NBEAL1: variants seen among roughly 807,000 people sequenced by gnomAD.
NBEAL1 encodes neurobeachin like 1.
Under a neutral mutation model 351.3 loss-of-function variants are expected in NBEAL1, and 273 were observed. The ratio of observed to expected loss-of-function variants is 0.78; its 90% confidence interval spans 0.70 to 0.86. NBEAL1 has a LOEUF of 0.86. NBEAL1 is among the 40% of genes least tolerant of loss of function. The pLI is 0.00. For synonymous variants in NBEAL1, 1,050 were observed against 1,086.4 expected, an observed-to-expected ratio of 0.97 and a Z score of 0.66; for missense variants, 2,961 against 3,201.3, an observed-to-expected ratio of 0.92 and a Z score of 1.81.
At chr2:203,025,075 C>G (rs1188098126) in intron 2 of NBEAL1, among the ~76,000 whole-genome samples, 1 of 152,080 alleles carries the variant, frequency 6.6e-6, no homozygotes, top group Non-Finnish European at 1.5e-5. Flanking sequence ...GGCCAAGGAC[C>G]TTTATTGGTC....
chr2:203,201,518 GT>G, intron 49 of NBEAL1, 24 bp from the exon 50 acceptor site: 1 of 1,489,288 alleles, frequency 6.7e-7, no homozygotes, highest in Non-Finnish European at 9.0e-7. Flanking sequence ...GTAAGGAAAA[GT>G]CTGATATTTA....
intron 3 of NBEAL1, among the ~76,000 whole-genome samples, chr2:203,044,677 A>T (rs1378143210): frequency 6.6e-6 from 1 of 152,202 alleles, no homozygotes; most frequent in African/African-American, 2.4e-5. Context: ...TAATTTTTCT[A>T]ATAGAAAACA....
At chr2:203,121,207 TG>T (rs1365312437) in intron 18 of NBEAL1, among the ~76,000 whole-genome samples, 1 of 152,178 alleles carries the variant, frequency 6.6e-6, no homozygotes, top group Non-Finnish European at 1.5e-5. Context: ...ATTTTTTTTT[TG>T]TTCTATGGTT....
intron 3 of NBEAL1, 70 bp downstream of exon 3, chr2:203,041,926 A>G (rs1301858517): frequency 1.0e-6 from 1 of 993,840 alleles, no homozygotes; most frequent in African/African-American, 1.6e-5. Context: ...TTCATTGATG[A>G]CATATTACAA....
chr2:203,183,218 G>GT, intron 43 of NBEAL1, 61 bp from the exon 44 acceptor site: 2 of 940,188 alleles, frequency 2.1e-6, no homozygotes, highest in South Asian at 3.4e-5. Flanking sequence ...ATTAGTGTTT[G>GT]TTTTACTTCG....
chr2:203,138,423 T>C, intron 30 of NBEAL1, 108 bp downstream of exon 30: 1 of 1,121,434 alleles, frequency 8.9e-7, no homozygotes, highest in Non-Finnish European at 1.3e-6. Context: ...TCAGATTCAA[T>C]AAACAAGGAT....
chr2:203,188,565 G>A lies in NBEAL1; in HGVS notation c.6799G>A (p.Val2267Ile), dbSNP rs762733158. The A allele has an allele frequency of 1.3e-5, 21 of 1,602,052 alleles. No homozygotes were observed. The highest frequency in any genetic ancestry group is 9.0e-5 in the East Asian group (4 of 44,622). ...RGPAAVEALN[V>I]FYYCSYEGAV... ...ACCAGCTGCAGTAGAGGCACTCAAC[G>A]TTTTCTATTATTGTAGTTATGAAGG... is the stretch of plus-strand genomic sequence containing the variant. The change falls in exon 45 of 56, where the codon GTT (valine) becomes ATT (isoleucine). Residue 2267 changes from valine (V) to isoleucine (I), a missense_variant. By Grantham distance (29) the Val-to-Ile change is conservative. Transcript: ENST00000683969.
chr2:203,115,284 C>G (rs1004120618), intron 17 of NBEAL1, among the ~76,000 whole-genome samples: 1 of 151,854 alleles, frequency 6.6e-6, no homozygotes, highest in African/African-American at 2.4e-5. Flanking sequence ...CCACGCCCAG[C>G]TAATTTTTTA....
At chr2:203,183,593 AAT>A (rs141705498) in intron 44 of NBEAL1, among the ~76,000 whole-genome samples, 14 of 150,546 alleles carry the variant, frequency 9.3e-5, no homozygotes, top group East Asian at 1.9e-4. Context: ...ACCATGAATA[AAT>A]ATATATATAT....
intron 41 of NBEAL1, among the ~76,000 whole-genome samples, chr2:203,173,156 A>G (rs1347532028): frequency 6.6e-6 from 1 of 152,148 alleles, no homozygotes; most frequent in Non-Finnish European, 1.5e-5. Flanking sequence ...TTCTTCCCAG[A>G]TGTTTTAAAC....
intron 3 of NBEAL1, among the ~76,000 whole-genome samples, chr2:203,042,585 CTT>C (rs769416087): frequency 2.2e-5 from 3 of 137,444 alleles, no homozygotes; most frequent in Admixed American, 7.2e-5. Context: ...AATGCTTGTT[CTT>C]TTTTTTTTTT....
chr2:203,163,861 A>G (rs2064046375), intron 36 of NBEAL1, among the ~76,000 whole-genome samples: 2 of 152,142 alleles, frequency 1.3e-5, no homozygotes, highest in Admixed American at 1.3e-4. Flanking sequence ...TTAATCTGCA[A>G]TTCCCTTATG....
intron 28 of NBEAL1, 148 bp from the exon 29 acceptor site, chr2:203,136,451 T>C (rs1250367969): frequency 5.4e-6 from 4 of 738,368 alleles, no homozygotes; most frequent in African/African-American, 3.6e-5. Flanking sequence ...ACTCATCTTA[T>C]GTCTCTAGGG....
intron 35 of NBEAL1, among the ~76,000 whole-genome samples, chr2:203,155,909 T>A (rs908365207): frequency 6.6e-6 from 1 of 152,186 alleles, no homozygotes; most frequent in Non-Finnish European, 1.5e-5. Flanking sequence ...TCCTGAGTGA[T>A]CTCATGGCTA....
intron 18 of NBEAL1, among the ~76,000 whole-genome samples, 199 bp downstream of exon 18, chr2:203,116,269 T>C (rs545153848): frequency 1.3e-5 from 2 of 152,294 alleles, no homozygotes; most frequent in African/African-American, 4.8e-5. Flanking sequence ...CCAAATATTA[T>C]CATTATGTCA....
chr2:203,135,861 A>G lies in NBEAL1; in HGVS notation c.3998A>G (p.Lys1333Arg), dbSNP rs761396593. 1.0e-4 allele frequency: 163 copies of G among 1,614,110 alleles called. No homozygotes were observed. Among genetic ancestry groups the G allele is most frequent in the Middle Eastern group, 9.9e-4 (6 of 6,062 alleles). ...AAAAATATGTCAACTGAAGATACCA[A>G]GAAGAACTCTGATGAAAAAACAGAT... ...NDKNMSTEDT[K>R]KNSDEKTDEE... The change falls in exon 28 of 56, where the codon AAG (lysine) becomes AGG (arginine). Residue 1333 changes from lysine (K) to arginine (R), a missense_variant. Lys to Arg is a conservative substitution (Grantham distance 26). Coordinates refer to ENST00000683969, the MANE Select transcript of NBEAL1 (RefSeq NM_001378026.1).
intron 2 of NBEAL1, among the ~76,000 whole-genome samples, chr2:203,022,272 A>C (rs1463805684): frequency 6.6e-6 from 1 of 152,202 alleles, no homozygotes; most frequent in Non-Finnish European, 1.5e-5. Context: ...GTAAAGTATC[A>C]AATGCGTTAA....
chr2:203,049,394 A>T (rs1377558158), intron 3 of NBEAL1, among the ~76,000 whole-genome samples: 1 of 152,114 alleles, frequency 6.6e-6, no homozygotes, highest in East Asian at 1.9e-4. Flanking sequence ...TAGATACTTC[A>T]TTTTTACTTT....
At chr2:203,118,197 A>G (rs2062743086) in intron 18 of NBEAL1, among the ~76,000 whole-genome samples, 1 of 152,164 alleles carries the variant, frequency 6.6e-6, no homozygotes, top group African/African-American at 2.4e-5. Context: ...CATTTGTGAA[A>G]ACGAATTGAC....
Sources: allele counts gnomAD v4.1 joint callset (sites outside exome capture counted in the v4.1 genomes callset), GRCh38; gene constraint gnomAD v4.1.1; transcripts MANE v1.5; gene names NCBI Gene and HGNC (gene_info 2026-07-23, HGNC 2026-07-21).